SLC10A1: variants seen among roughly 807,000 people sequenced by gnomAD.
SLC10A1 encodes the protein solute carrier family 10 member 1, also known as hepatic sodium/bile acid cotransporter.
SLC10A1 carries 36 observed loss-of-function variants against 20.5 expected under a neutral mutation model. That is an observed-to-expected ratio of 1.75 (90% CI 1.34 to 2.32). SLC10A1 has a LOEUF of 2.32. Among genes scored for constraint, SLC10A1 ranks in the 30% most tolerant of loss-of-function variants. The probability of loss-of-function intolerance (pLI) is 0.00; values close to 1 mark genes in which losing one functional copy is unlikely to be tolerated. For missense variants in SLC10A1, 545 were observed against 439.1 expected (o/e 1.24, Z -2.16); for synonymous variants, 188 against 163.6 (o/e 1.15, Z -1.14).
intron 3 of SLC10A1, 132 bp from the exon 4 acceptor site, chr14:69,778,661 G>T (rs944919886): frequency 4.3e-6 from 3 of 690,332 alleles, no homozygotes; most frequent in African/African-American, 3.6e-5. Flanking sequence ...TGCTATTGCT[G>T]CTGGTGTTTG....
intron 1 of SLC10A1, 96 bp downstream of exon 1, chr14:69,796,704 T>C: frequency 9.5e-7 from 1 of 1,047,580 alleles, no homozygotes; most frequent in African/African-American, 1.6e-5. Context: ...CTGCATTCAC[T>C]CCTTTTCCTG....
At chr14:69,785,591 C>CTTTTTTTTTTTTTTTT (rs541758842) in intron 2 of SLC10A1, among the ~76,000 whole-genome samples, 7 of 130,520 alleles carry the variant, frequency 5.4e-5, no homozygotes, top group Admixed American at 7.7e-5. Context: ...TCTTTCTTTT[C>CTTTTTTTTTTTTTTTT]TTTTTTTTTT....
rs201677740 is a variant in SLC10A1 at position 69,778,348 on chromosome 14, A to T, written c.928T>A (p.Phe310Ile). 2.2e-5 allele frequency: 35 copies of T among 1,607,306 alleles called. No homozygotes were observed. The highest frequency in any genetic ancestry group is 2.9e-5 in the Non-Finnish European group (34 of 1,176,908). The change falls in exon 4 of 5, where the codon TTC becomes ATC. Residue 310 changes from phenylalanine to isoleucine, a missense_variant. Physicochemically the swap from Phe to Ile is conservative, Grantham distance 21. Coordinates refer to ENST00000216540, the MANE Select transcript of SLC10A1 (RefSeq NM_003049.4). ...CAGTACTCACCCTTGGGAGTCTTGAATTTCTCATAGCACCAAAATATGGCA... is the reference window on the plus strand; with the variant it reads ...CAGTACTCACCCTTGGGAGTCTTGATTTTCTCATAGCACCAAAATATGGCA... ...LIAIFWCYEKFKTPKDKTKMI... is the reference protein window; with the variant it reads ...LIAIFWCYEKIKTPKDKTKMI...
At position 69,776,372 on chromosome 14, in the gene SLC10A1, G is replaced by T. The variant is rs56903885; in HGVS notation, c.960C>A (p.Ile320=). Residue 320 remains isoleucine (I), a synonymous_variant, in exon 5 of 5, where the codon ATC becomes ATA. Coordinates refer to ENST00000216540, the MANE Select transcript of SLC10A1 (RefSeq NM_003049.4). ...FKTPKDKTKM[I]YTAATTEETI... is the part of the protein sequence containing the mutation. ...TTTCTTCAGTTGTGGCAGCTGTGTA[G>T]ATCATTTTTGTTTTATCTGTAAAGT... 1,116 of 1,613,924 alleles carry T rather than the reference G, an allele frequency of 6.9e-4. 8 individuals are homozygous for T. The African/African-American group carries it at 0.013, about 19-fold the overall frequency.
chr14:69,796,900 T>A lies in SLC10A1; in HGVS notation c.256A>T (p.Lys86Ter), dbSNP rs1882396158. The change falls in exon 1 of 5, where the codon AAG becomes TAG. Residue 86 changes from lysine to a stop codon, truncating the protein, a stop_gained. Transcript: ENST00000216540. LOFTEE classifies it high-confidence loss of function. ...AFVLGKVFRL[K>*]NIEALAILVC... is the part of the protein sequence containing the mutation. ...AAGATGGCCAGTGCCTCAATGTTCT[T>A]CAGCCGGAAGACCTTGCCCAGCACA... is the stretch of plus-strand genomic sequence containing the variant. 3.1e-6 allele frequency: 5 copies of A among 1,614,076 alleles called. No individual in the cohort carries two copies. The highest frequency in any genetic ancestry group is 4.2e-6 in the Non-Finnish European group (5 of 1,180,016).
At chr14:69,781,353 C>G (rs1566635624) in intron 2 of SLC10A1, among the ~76,000 whole-genome samples, 1 of 152,236 alleles carries the variant, frequency 6.6e-6, no homozygotes, top group Non-Finnish European at 1.5e-5. Context: ...CTGCTCACAA[C>G]TGGGATGAGT....
Position 69,797,230 on chromosome 14 carries a change from CCTT to C in SLC10A1, c.-78_-76del. ...TTTCTTGTGCAGTTCTTGCTGGATG[CCTT>C]CTTTAATCACCTCTCAGGACAGAGA... is the stretch of plus-strand genomic sequence containing the variant. On this transcript the variant is annotated 5_prime_UTR_variant, in exon 1 of 5. Coordinates refer to ENST00000216540, the MANE Select transcript of SLC10A1 (RefSeq NM_003049.4). The C allele has an allele frequency of 7.8e-7, 1 of 1,279,358 alleles. No homozygotes were observed. Among genetic ancestry groups the C allele is most frequent in the African/African-American group, 1.5e-5 (1 of 67,564 alleles). The allele number at this position is 1,279,358 out of a possible 1,614,324, so 79.3% of individuals were successfully genotyped here.
intron 1 of SLC10A1, among the ~76,000 whole-genome samples, chr14:69,794,596 A>T (rs1006380494): frequency 6.6e-6 from 1 of 152,354 alleles, no homozygotes; most frequent in South Asian, 2.1e-4. Flanking sequence ...ATTATAATGC[A>T]TGTAACAAGT....
chr14:69,778,891 G>A (rs1396455298), intron 3 of SLC10A1, among the ~76,000 whole-genome samples: 1 of 152,162 alleles, frequency 6.6e-6, no homozygotes, highest in Non-Finnish European at 1.5e-5. Flanking sequence ...CTCCAGGCAT[G>A]CAGTGGCTCA....
At chr14:69,783,290 TCTTG>T (rs57185866) in intron 2 of SLC10A1, among the ~76,000 whole-genome samples, 14,274 of 152,098 alleles carry the variant, frequency 0.094, 2,055 homozygotes, top group African/African-American at 0.31. Flanking sequence ...AGCCTTATGG[TCTTG>T]CTTCTTGATA....
At chr14:69,787,376 A>G (rs1883744078) in intron 1 of SLC10A1, among the ~76,000 whole-genome samples, 1 of 152,374 alleles carries the variant, frequency 6.6e-6, no homozygotes, top group South Asian at 2.1e-4. Flanking sequence ...ATGGACATTT[A>G]CATTAACAAT....
rs4646291 is a variant in SLC10A1, at chr14:69,779,160, TAA to T, written c.746+20_746+21del. On this transcript the variant is annotated intron_variant, in intron 3 of 4. Coordinates refer to ENST00000216540, the MANE Select transcript of SLC10A1 (RefSeq NM_003049.4). ...TGGGCAACAGAGTGAGACCCTTTCT[TAA>T]AAAAAAAAAAAATACCTACCGTCCA... 4.9e-3 allele frequency: 6,629 copies of T among 1,358,954 alleles called. No individual in the cohort carries two copies. The highest frequency in any genetic ancestry group is 0.011 in the South Asian group (765 of 72,828). The allele number at this position is 1,358,954 out of a possible 1,614,324, so 84.2% of individuals were successfully genotyped here.
chr14:69,778,749 G>T (rs1215159042), intron 3 of SLC10A1, among the ~76,000 whole-genome samples: 1 of 152,176 alleles, frequency 6.6e-6, no homozygotes, highest in Admixed American at 6.5e-5. Context: ...CTCTTGTCCA[G>T]TTAGTGCATC....
chr14:69,788,103 T>C (rs930567161), intron 1 of SLC10A1, among the ~76,000 whole-genome samples: 1 of 150,906 alleles, frequency 6.6e-6, no homozygotes, highest in African/African-American at 2.4e-5. Context: ...CATAGAGGGG[T>C]TCTGGAGGGG....
In SLC10A1 at chr14:69,797,102, A is replaced by G. The variant is rs1448732301; in HGVS notation, c.54T>C (p.Phe18=). The change falls in exon 1 of 5, where the codon TTT becomes TTC. Residue 18 remains phenylalanine (F), a synonymous_variant. Coordinates refer to ENST00000216540, the MANE Select transcript of SLC10A1 (RefSeq NM_003049.4). ...APFNFTLPPN[F]GKRPTDLALS... is the part of the protein sequence containing the mutation. ...GTGCCAGGTCTGTGGGGCGCTTGCC[A>G]AAGTTGGGTGGCAGGGTGAAGTTGA... 1.5e-5 allele frequency: 25 copies of G among 1,613,910 alleles called. No individual in the cohort carries two copies. The highest frequency in any genetic ancestry group is 1.9e-5 in the Non-Finnish European group (23 of 1,180,022).
chr14:69,778,597 T>C (rs1328015682), intron 3 of SLC10A1, 68 bp from the exon 4 acceptor site: 2 of 1,379,814 alleles, frequency 1.4e-6, no homozygotes, highest in African/African-American at 2.9e-5. Flanking sequence ...GTCCCAGTGC[T>C]GCTACCAAAG....
chr14:69,783,572 A>G (rs1448845137), intron 2 of SLC10A1, among the ~76,000 whole-genome samples: 6 of 152,204 alleles, frequency 3.9e-5, no homozygotes, highest in African/African-American at 1.4e-4. Flanking sequence ...CAAAGAGAAA[A>G]GAGCTGAGAC....
intron 2 of SLC10A1, among the ~76,000 whole-genome samples, chr14:69,781,802 C>T (rs1883598556): frequency 6.6e-6 from 1 of 152,202 alleles, no homozygotes; most frequent in South Asian, 2.1e-4. Flanking sequence ...CTTGAATTGC[C>T]TTTTAAAATG....
At position 69,796,841 on chromosome 14, in the gene SLC10A1, G is replaced by C. The variant is rs201638287; in HGVS notation, c.315C>G (p.Ser105=). 6.2e-7 allele frequency: 1 copy of C among 1,614,034 alleles called. No homozygotes were observed. Among genetic ancestry groups the C allele is most frequent in the African/African-American group, 1.3e-5 (1 of 74,924 alleles). ...VCGCSPGGNL[S]NVFSLAMKGD... ...CCTTCATGGCCAGACTGAAGACATT[G>C]GACAGGTTCCCTCCAGGTGAGCAGC... The change falls in exon 1 of 5, where the codon TCC becomes TCG. Residue 105 remains serine (S), a synonymous_variant. Coordinates refer to ENST00000216540, the MANE Select transcript of SLC10A1 (RefSeq NM_003049.4).
Sources: gnomAD v4.1 joint callset for allele counts (sites outside exome capture counted in the v4.1 genomes callset) on GRCh38, gnomAD v4.1.1 for gene constraint, MANE v1.5 for transcripts, NCBI Gene and HGNC (gene_info 2026-07-23, HGNC 2026-07-21) for gene names.